The following AFG1L variants were observed in gnomAD, a reference collection of about 807,000 sequenced individuals.
The protein encoded by AFG1L is AFG1-like ATPase.
AFG1L carries 53 observed loss-of-function variants against 62.2 expected under a neutral mutation model. The ratio of observed to expected loss-of-function variants is 0.85; its 90% confidence interval spans 0.68 to 1.07. The LOEUF (loss-of-function observed/expected upper bound fraction) is 1.07. Among genes scored for constraint, AFG1L ranks in the 50% least tolerant of loss-of-function variants. The probability of loss-of-function intolerance (pLI) is 0.00; values close to 1 mark genes in which losing one functional copy is unlikely to be tolerated. For missense variants in AFG1L, 555 were observed against 590.5 expected (o/e 0.94, Z 0.62); for synonymous variants, 228 against 210.3 (o/e 1.08, Z -0.73).
intron 8 of AFG1L, among the ~76,000 whole-genome samples, chr6:108,465,678 CT>C (rs1772637712): frequency 1.3e-5 from 2 of 151,018 alleles, no homozygotes; most frequent in African/African-American, 2.5e-5. Context: ...GCTGCTGCTG[CT>C]GCTAAAGTTT....
chr6:108,462,346 G>A (rs1772493242), intron 8 of AFG1L, among the ~76,000 whole-genome samples: 1 of 151,976 alleles, frequency 6.6e-6, no homozygotes, highest in South Asian at 2.1e-4. Context: ...CGAGGATGTT[G>A]TGAGCCATGA....
At chr6:108,346,726 A>G (rs937501262) in intron 2 of AFG1L, among the ~76,000 whole-genome samples, 1 of 152,102 alleles carries the variant, frequency 6.6e-6, no homozygotes, top group Non-Finnish European at 1.5e-5. Flanking sequence ...AGTGGAATGG[A>G]GAATATTTGT....
chr6:108,420,127 T>C (rs1265986262), intron 7 of AFG1L, among the ~76,000 whole-genome samples: 1 of 152,126 alleles, frequency 6.6e-6, no homozygotes, highest in Non-Finnish European at 1.5e-5. Flanking sequence ...TCTACTGCGT[T>C]GTCACCTGAG....
chr6:108,366,348 G>A lies in AFG1L; in HGVS notation c.748+16G>A. On this transcript the variant is annotated intron_variant, in intron 6 of 12. Coordinates refer to ENST00000368977, the MANE Select transcript of AFG1L (RefSeq NM_145315.5). ...CCACCGGAAGGTAAAAACAAACATTGTGCTAGTCTCATCCAATTAGGTGGA... is the reference window on the plus strand; with the variant it reads ...CCACCGGAAGGTAAAAACAAACATTATGCTAGTCTCATCCAATTAGGTGGA... The A allele has an allele frequency of 1.9e-6, 3 of 1,539,966 alleles. No individual in the cohort carries two copies. Among genetic ancestry groups the A allele is most frequent in the Non-Finnish European group, 2.7e-6 (3 of 1,115,618 alleles).
intron 8 of AFG1L, among the ~76,000 whole-genome samples, chr6:108,451,022 G>A (rs953700420): frequency 5.9e-5 from 9 of 151,744 alleles, no homozygotes; most frequent in Admixed American, 6.6e-5. Flanking sequence ...CTATTAAAGC[G>A]TGTGTTTCTG....
intron 7 of AFG1L, among the ~76,000 whole-genome samples, chr6:108,412,074 C>T (rs2114661314): frequency 6.6e-6 from 1 of 152,224 alleles, no homozygotes; most frequent in South Asian, 2.1e-4. Flanking sequence ...CCTTAAATGA[C>T]CTGATGGAGC....
At chr6:108,401,516 C>G (rs1781615514) in intron 6 of AFG1L, among the ~76,000 whole-genome samples, 1 of 152,098 alleles carries the variant, frequency 6.6e-6, no homozygotes, top group East Asian at 1.9e-4. Context: ...TGATCTCGAA[C>G]TCCTGACCTC....
chr6:108,361,262 C>G (rs1779516427), intron 5 of AFG1L, among the ~76,000 whole-genome samples: 1 of 152,166 alleles, frequency 6.6e-6, no homozygotes, highest in Admixed American at 6.5e-5. Context: ...TCCTGGCATC[C>G]CAGAAAAATC....
intron 2 of AFG1L, among the ~76,000 whole-genome samples, chr6:108,344,606 A>G (rs1778797578): frequency 6.6e-6 from 1 of 152,120 alleles, no homozygotes; most frequent in African/African-American, 2.4e-5. Context: ...AAAATAAGAC[A>G]AAGCCAAAAG....
chr6:108,389,041 C>T (rs1206719673), intron 6 of AFG1L, among the ~76,000 whole-genome samples: 1 of 151,760 alleles, frequency 6.6e-6, no homozygotes, highest in Admixed American at 6.6e-5. Context: ...TCAGGACTTG[C>T]TTTATGAATC....
chr6:108,461,776 A>T (rs964934393), intron 8 of AFG1L, among the ~76,000 whole-genome samples: 10 of 152,052 alleles, frequency 6.6e-5, no homozygotes, highest in African/African-American at 2.4e-4. Flanking sequence ...ACTGTTTTAA[A>T]AAATTGTTTT....
intron 1 of AFG1L, among the ~76,000 whole-genome samples, chr6:108,316,124 G>A (rs1777581585): frequency 6.6e-6 from 1 of 151,950 alleles, no homozygotes; most frequent in Non-Finnish European, 1.5e-5. Context: ...GCTGACGCCT[G>A]TAATCCCAGC....
At chr6:108,462,073 C>T (rs983744866) in intron 8 of AFG1L, among the ~76,000 whole-genome samples, 11 of 150,484 alleles carry the variant, frequency 7.3e-5, no homozygotes, top group Middle Eastern at 3.5e-3. Context: ...CTAGCCTGGG[C>T]GACAGAGCAA....
chr6:108,332,389 G>A (rs1778306873), intron 2 of AFG1L, among the ~76,000 whole-genome samples: 1 of 152,174 alleles, frequency 6.6e-6, no homozygotes, highest in Admixed American at 6.5e-5. Context: ...AGAAAGTTCA[G>A]AATATACATG....
chr6:108,325,368 C>T (rs1165580604), intron 2 of AFG1L, among the ~76,000 whole-genome samples: 4 of 151,778 alleles, frequency 2.6e-5, no homozygotes, highest in Non-Finnish European at 4.4e-5. Context: ...CACACCATGG[C>T]ACTCTACCCA....
chr6:108,330,474 C>T (rs984164508), intron 2 of AFG1L, among the ~76,000 whole-genome samples: 11 of 152,120 alleles, frequency 7.2e-5, no homozygotes, highest in South Asian at 4.2e-4. Context: ...GCGCCTGGCT[C>T]ATAAATTCCT....
chr6:108,511,990 C>T lies in AFG1L; in HGVS notation c.1203+1638C>T, dbSNP rs58469484. Among the ~76,000 whole-genome samples, 1,320 of 152,304 alleles carry T rather than the reference C, an allele frequency of 8.7e-3. 29 individuals carry two copies. The highest frequency in any genetic ancestry group is 0.03 in the African/African-American group (1,227 of 41,568). On this transcript the variant is annotated intron_variant, in intron 11 of 12. Coordinates refer to ENST00000368977, the MANE Select transcript of AFG1L (RefSeq NM_145315.5). ...TAGACAGAGAAGGAGGCATATGGTG[C>T]TGTGAGAGTCTAGCAGGGGAGAGTG...
intron 8 of AFG1L, among the ~76,000 whole-genome samples, chr6:108,462,121 G>C (rs1197394814): frequency 2.0e-5 from 3 of 151,880 alleles, no homozygotes; most frequent in East Asian, 3.9e-4. Context: ...ATCACAAAAG[G>C]CTGGGTGCAG....
chr6:108,450,135 T>A (rs566207352), intron 8 of AFG1L, among the ~76,000 whole-genome samples: 2 of 152,248 alleles, frequency 1.3e-5, no homozygotes, highest in Non-Finnish European at 2.9e-5. Flanking sequence ...GATGGCTTGA[T>A]CAAATGGTAT....
Sources: gnomAD v4.1 joint callset for allele counts (sites outside exome capture counted in the v4.1 genomes callset) on GRCh38, gnomAD v4.1.1 for gene constraint, MANE v1.5 for transcripts, NCBI Gene and HGNC (gene_info 2026-07-23, HGNC 2026-07-21) for gene names.